The following NRCAM variants were observed in gnomAD, a reference collection of about 807,000 sequenced individuals.
NRCAM encodes the protein neuronal cell adhesion molecule.
A neutral mutation model predicts 156.5 loss-of-function variants in NRCAM; 83 were observed. The ratio of observed to expected loss-of-function variants is 0.53; its 90% CI spans 0.44 to 0.64. NRCAM has a LOEUF of 0.64. Ranked by LOEUF, NRCAM falls within the 30% of genes least tolerant of loss-of-function variation. The pLI is 0.00. For synonymous variants in NRCAM, 538 were observed against 563.9 expected, an observed-to-expected ratio of 0.95 and a Z score of 0.65; for missense variants, 1,417 against 1,597.3, an observed-to-expected ratio of 0.89 and a Z score of 1.92.
chr7:108,367,504 A>G (rs1400558714), intron 2 of NRCAM, among the ~76,000 whole-genome samples: 8 of 152,108 alleles, frequency 5.3e-5, no homozygotes, highest in African/African-American at 1.9e-4. Context: ...TCCTGAATTC[A>G]TTGTTTGCTC....
chr7:108,291,505 T>G (rs1240334572), intron 3 of NRCAM, among the ~76,000 whole-genome samples: 1 of 152,202 alleles, frequency 6.6e-6, no homozygotes, highest in African/African-American at 2.4e-5. Context: ...AAATGTGTCT[T>G]TCTTGACAGG....
At chr7:108,245,516 C>CTTTAAAAAGTTAA (rs1393619434) in intron 3 of NRCAM, among the ~76,000 whole-genome samples, 2 of 152,092 alleles carry the variant, frequency 1.3e-5, no homozygotes, top group Non-Finnish European at 2.9e-5. Context: ...ACAAGATGTA[C>CTTTAAAAAGTTAA]TTTAAAAAGT....
At chr7:108,308,922 T>A (rs1040676152) in intron 3 of NRCAM, among the ~76,000 whole-genome samples, 21 of 152,112 alleles carry the variant, frequency 1.4e-4, no homozygotes, top group Admixed American at 1.3e-4. Context: ...CAGAGATAAA[T>A]ATCAGGAAAT....
chr7:108,329,974 A>G (rs775389128), intron 2 of NRCAM, among the ~76,000 whole-genome samples: 1 of 152,240 alleles, frequency 6.6e-6, no homozygotes, highest in Non-Finnish European at 1.5e-5. Context: ...TCTTGATTAC[A>G]TATCTACTGC....
chr7:108,264,122 T>C (rs1373485263), intron 3 of NRCAM, among the ~76,000 whole-genome samples: 9 of 151,580 alleles, frequency 5.9e-5, no homozygotes, highest in Middle Eastern at 3.2e-3. Context: ...GTATTACAGG[T>C]GCGTGCCACC....
intron 4 of NRCAM, among the ~76,000 whole-genome samples, chr7:108,239,110 A>G (rs1176492420): frequency 6.6e-6 from 1 of 152,120 alleles, no homozygotes; most frequent in East Asian, 1.9e-4. Context: ...GAAGTACAGT[A>G]ATTGTCCAGA....
intron 4 of NRCAM, among the ~76,000 whole-genome samples, chr7:108,238,133 T>A (rs2095256594): frequency 6.6e-6 from 1 of 152,188 alleles, no homozygotes; most frequent in South Asian, 2.1e-4. Context: ...TTAATTTGAG[T>A]TGTCACATAC....
intron 11 of NRCAM, among the ~76,000 whole-genome samples, chr7:108,220,503 A>T (rs114726743): frequency 0.054 from 8,226 of 152,210 alleles, 256 homozygotes; most frequent in Middle Eastern, 0.071. Flanking sequence ...AATACGCACA[A>T]AGACCAGTGG....
At position 108,448,417 on chromosome 7, in the gene NRCAM, C is replaced by T. The variant is rs1277851322; in HGVS notation, c.-332+7826G>A. Among the ~76,000 whole-genome samples, 5 of 152,148 alleles carry T rather than the reference C, an allele frequency of 3.3e-5. No homozygotes were observed. The South Asian group carries it at 8.3e-4, about 25-fold the overall frequency. ...CTTTTAGCCATCATGCTACTAACAT[C>T]AGAAGAAAAGACTATGTCGAGTCAT... On this transcript the variant is annotated intron_variant, in intron 1 of 32. Coordinates refer to ENST00000379028, the MANE Select transcript of NRCAM (RefSeq NM_001037132.4).
chr7:108,415,383 A>G (rs918747932), intron 1 of NRCAM, among the ~76,000 whole-genome samples: 50 of 152,168 alleles, frequency 3.3e-4, no homozygotes, highest in African/African-American at 1.2e-3. Flanking sequence ...TTCTCCTTCA[A>G]TCTGGTTTTT....
intron 3 of NRCAM, among the ~76,000 whole-genome samples, chr7:108,305,158 G>A (rs534795869): frequency 3.3e-4 from 50 of 152,146 alleles, no homozygotes; most frequent in African/African-American, 1.0e-3. Context: ...ACTCCTCTAT[G>A]GCAAGAAAGT....
At chr7:108,255,082 G>C (rs1248093867) in intron 3 of NRCAM, among the ~76,000 whole-genome samples, 88 of 152,232 alleles carry the variant, frequency 5.8e-4, no homozygotes, top group Non-Finnish European at 8.8e-5. Flanking sequence ...CAATAACAAA[G>C]AATGAACTAC....
intron 27 of NRCAM, 59 bp downstream of exon 27, chr7:108,176,371 T>C (rs1284995034): frequency 1.3e-5 from 19 of 1,485,798 alleles, no homozygotes; most frequent in Non-Finnish European, 1.8e-5. Flanking sequence ...AGCATAAACT[T>C]AAAGATTTTT....
In NRCAM at chr7:108,174,206, A is replaced by G. The variant is rs187581740; in HGVS notation, c.3187+1116T>C. On this transcript the variant is annotated intron_variant, in intron 28 of 32. Transcript: ENST00000379028. Reference sequence around the variant, plus strand: ...TTTTTACAACTTCGTCAAGTCTAAAAACACAAATATAATACTCTTAAGATT... The same window carrying G: ...TTTTTACAACTTCGTCAAGTCTAAAGACACAAATATAATACTCTTAAGATT... 3.2e-4 allele frequency among the ~76,000 whole-genome samples: 48 copies of G among 152,342 alleles called. No homozygotes were observed. In the East Asian group the frequency reaches 8.5e-3, roughly 27 times the overall value.
chr7:108,223,872 T>C (rs750392476), intron 10 of NRCAM, 36 bp from the exon 11 acceptor site: 6 of 958,174 alleles, frequency 6.3e-6, no homozygotes, highest in Non-Finnish European at 1.0e-5. Flanking sequence ...TTACAACTTA[T>C]AAATATGTAT....
intron 1 of NRCAM, among the ~76,000 whole-genome samples, chr7:108,414,906 G>A (rs998974697): frequency 5.3e-5 from 8 of 152,144 alleles, no homozygotes; most frequent in African/African-American, 1.9e-4. Context: ...AAGGACATTG[G>A]GTTTCCCTGA....
At chr7:108,225,411 C>G (rs1202199722) in intron 10 of NRCAM, among the ~76,000 whole-genome samples, 4 of 152,232 alleles carry the variant, frequency 2.6e-5, no homozygotes, top group South Asian at 4.1e-4. Flanking sequence ...GTTCTTTACA[C>G]GCAAACAGTT....
At chr7:108,356,006 T>C (rs2099492958) in intron 2 of NRCAM, among the ~76,000 whole-genome samples, 1 of 151,652 alleles carries the variant, frequency 6.6e-6, no homozygotes, top group South Asian at 2.1e-4. Flanking sequence ...TGGAGTGTAG[T>C]GGCACCATGT....
At chr7:108,230,785 C>T (rs1190382506) in intron 8 of NRCAM, among the ~76,000 whole-genome samples, 1 of 151,770 alleles carries the variant, frequency 6.6e-6, no homozygotes, top group Non-Finnish European at 1.5e-5. Context: ...GTACTTATTG[C>T]ATTTATCATC....
Sources: gnomAD v4.1 joint callset for allele counts (sites outside exome capture counted in the v4.1 genomes callset) on GRCh38, gnomAD v4.1.1 for gene constraint, MANE v1.5 for transcripts, NCBI Gene and HGNC (gene_info 2026-07-23, HGNC 2026-07-21) for gene names.